TCF20: variants seen among roughly 807,000 people sequenced by gnomAD.
TCF20 encodes the protein transcription factor 20.
In TCF20, 3 loss-of-function variants were observed where a neutral mutation model predicts 148.6. The ratio of observed to expected loss-of-function variants is 0.02; its 90% CI spans 0.01 to 0.05. TCF20 has a LOEUF of 0.05. Among genes scored for constraint, TCF20 ranks in the 10% least tolerant of loss-of-function variants. The pLI, the probability that TCF20 is intolerant of heterozygous loss-of-function variation, is 1.00. For missense variants in TCF20, 2,350 were observed against 2,429.3 expected, an observed-to-expected ratio of 0.97 and a Z score of 0.69; for synonymous variants, 1,049 against 909.5, an observed-to-expected ratio of 1.15 and a Z score of -2.76.
At chr22:42,198,756 G>A (rs1937765639) in intron 2 of TCF20, among the ~76,000 whole-genome samples, 2 of 151,630 alleles carry the variant, frequency 1.3e-5, no homozygotes, top group South Asian at 2.1e-4. Context: ...CCGCCTCCTG[G>A]GTTCACGCCA....
intron 5 of TCF20, among the ~76,000 whole-genome samples, chr22:42,163,233 G>C (rs1935572782): frequency 6.6e-6 from 1 of 152,182 alleles, no homozygotes; most frequent in Non-Finnish European, 1.5e-5. Flanking sequence ...CAGCAGCCAG[G>C]GTCTGCCTGG....
chr22:42,259,513 C>T (rs1925920361), intron 1 of TCF20, among the ~76,000 whole-genome samples: 1 of 152,218 alleles, frequency 6.6e-6, no homozygotes, highest in Non-Finnish European at 1.5e-5. Context: ...CAGATCTGTG[C>T]TCAAACACGT....
intron 1 of TCF20, among the ~76,000 whole-genome samples, chr22:42,240,484 AAAT>A (rs1287104137): frequency 2.0e-5 from 3 of 152,264 alleles, no homozygotes; most frequent in African/African-American, 7.2e-5. Context: ...AATACAGACT[AAAT>A]AACTGCACAA....
chr22:42,222,890 C>T lies in TCF20; in HGVS notation c.-36-7549G>A, dbSNP rs530939565. Among the ~76,000 whole-genome samples the T allele has an allele frequency of 3.9e-5, 6 of 152,316 alleles. No individual in the cohort carries two copies. In the South Asian group the frequency reaches 6.2e-4, roughly 16 times the overall value. ...ATTGCTGGCCGGCCACAGTGGCTCA[C>T]ACCTGTAATCCCAGCACTTTGGGAG... On this transcript the variant is annotated intron_variant, in intron 1 of 5. Coordinates refer to ENST00000677622, the MANE Select transcript of TCF20 (RefSeq NM_001378418.1).
chr22:42,303,984 A>C (rs1047420811), intron 1 of TCF20, among the ~76,000 whole-genome samples: 5 of 152,068 alleles, frequency 3.3e-5, no homozygotes, highest in Non-Finnish European at 7.4e-5. Flanking sequence ...GGTGCCTGGC[A>C]GACCATACTC....
At chr22:42,304,612 G>C (rs1927401239) in intron 1 of TCF20, among the ~76,000 whole-genome samples, 1 of 152,202 alleles carries the variant, frequency 6.6e-6, no homozygotes, top group South Asian at 2.1e-4. Flanking sequence ...GTGCCAGGCA[G>C]GCACTCTGAT....
At chr22:42,184,760 A>AT (rs1020471019) in intron 2 of TCF20, among the ~76,000 whole-genome samples, 2 of 152,224 alleles carry the variant, frequency 1.3e-5, no homozygotes, top group African/African-American at 2.4e-5. Context: ...TTAATAGTAA[A>AT]TTTTTTATTA....
At chr22:42,244,521 G>C (rs1482289591) in intron 1 of TCF20, among the ~76,000 whole-genome samples, 1 of 152,164 alleles carries the variant, frequency 6.6e-6, no homozygotes, top group Non-Finnish European at 1.5e-5. Flanking sequence ...CGCGCTAAGT[G>C]AAAGAAGTCA....
chr22:42,232,692 G>T (rs565978825), intron 1 of TCF20, among the ~76,000 whole-genome samples: 1 of 151,694 alleles, frequency 6.6e-6, no homozygotes, highest in African/African-American at 2.4e-5. Context: ...TTAGCACGGC[G>T]TGGTGGCGGG....
At chr22:42,309,208 T>C (rs1927488717) in intron 1 of TCF20, among the ~76,000 whole-genome samples, 1 of 152,056 alleles carries the variant, frequency 6.6e-6, no homozygotes, top group African/African-American at 2.4e-5. Context: ...CTTGTTTTCA[T>C]GTTCTTCCCC....
chr22:42,272,502 G>A (rs1434780420), upstream of TCF20, among the ~76,000 whole-genome samples: 1 of 152,160 alleles, frequency 6.6e-6, no homozygotes, highest in East Asian at 1.9e-4. Flanking sequence ...GGGCCCGGGG[G>A]ATGCTGACAA....
chr22:42,314,501 G>A (rs961193584), intron 1 of TCF20, among the ~76,000 whole-genome samples: 8 of 152,232 alleles, frequency 5.3e-5, no homozygotes, highest in Non-Finnish European at 1.2e-4. Context: ...AGGCATGTGG[G>A]CAGGCAGCCC....
intron 3 of TCF20, among the ~76,000 whole-genome samples, chr22:42,174,496 G>A (rs1311175895): frequency 6.6e-6 from 1 of 152,148 alleles, no homozygotes; most frequent in African/African-American, 2.4e-5. Context: ...CAGCCTCAGT[G>A]GGGGACCACT....
chr22:42,267,690 ACT>A (rs953645017), intron 1 of TCF20, among the ~76,000 whole-genome samples: 17 of 148,840 alleles, frequency 1.1e-4, no homozygotes, highest in African/African-American at 3.5e-4. Flanking sequence ...ACAGAGAGAG[ACT>A]CTGTCTCAAA....
chr22:42,310,554 G>A (rs1373720714), intron 1 of TCF20, among the ~76,000 whole-genome samples: 2 of 152,196 alleles, frequency 1.3e-5, no homozygotes, highest in Non-Finnish European at 2.9e-5. Context: ...AGGAAGGCAT[G>A]CAGAGAACTT....
In TCF20 at chr22:42,317,290, T is replaced by C. The variant is rs1295290766; in HGVS notation, c.-37+26189A>G. Reference sequence around the variant, plus strand: ...TCAGCCAAGAGCCCTAGCGTGGAAATCACCACACTGAAGGTGGCAATATTT... The same window carrying C: ...TCAGCCAAGAGCCCTAGCGTGGAAACCACCACACTGAAGGTGGCAATATTT... On this transcript the variant is annotated intron_variant, in intron 1 of 1. Transcript: ENST00000515426. This position sits in a 1 kb window ranked among gnomAD's most constrained non-coding sequence, Gnocchi z 4.2. 6.6e-6 allele frequency among the ~76,000 whole-genome samples: 1 copy of C among 152,142 alleles called. No homozygotes were observed. Among genetic ancestry groups the C allele is most frequent in the Non-Finnish European group, 1.5e-5 (1 of 68,024 alleles).
At chr22:42,239,369 G>C (rs896119598) in intron 1 of TCF20, among the ~76,000 whole-genome samples, 20 of 151,720 alleles carry the variant, frequency 1.3e-4, no homozygotes, top group Admixed American at 1.3e-3. Flanking sequence ...CCAGCTACTC[G>C]GGAGGCTAAG....
At chr22:42,183,018 T>C (rs1056562510) in intron 2 of TCF20, among the ~76,000 whole-genome samples, 8 of 152,246 alleles carry the variant, frequency 5.3e-5, no homozygotes, top group African/African-American at 1.9e-4. Context: ...ATTACAGGCG[T>C]GAGCCACTGT....
In TCF20 at chr22:42,277,572, AAGTAGATTTCC is replaced by A. The variant is rs556142566; in HGVS notation, c.-37+6244_-37+6254del. ...CAAAGGCCCTGCGGTAGGAGGGAAC[AAGTAGATTTCC>A]AGGAAGGGCACAGGGGCCTGCAGGG... is the stretch of plus-strand genomic sequence containing the variant. On this transcript the variant is annotated intron_variant, in intron 1 of 5. Transcript: ENST00000359486. 6.8e-4 allele frequency among the ~76,000 whole-genome samples: 103 copies of A among 152,318 alleles called. 1 individual carries two copies. In the South Asian group the frequency reaches 0.021, roughly 31 times the overall value.
Sources: allele counts gnomAD v4.1 joint callset (sites outside exome capture counted in the v4.1 genomes callset), GRCh38; gene constraint gnomAD v4.1.1; non-coding constraint Gnocchi (gnomAD v3.1); transcripts MANE v1.5; gene names NCBI Gene and HGNC (gene_info 2026-07-23, HGNC 2026-07-21).